Variants in MCTP1 observed in about 807,000 individuals in gnomAD.
The protein encoded by MCTP1 is multiple C2 and transmembrane domain containing 1.
In MCTP1, 69 loss-of-function variants were observed where a neutral mutation model predicts 120.6. The observed-to-expected ratio is 0.57, with a 90% confidence interval of 0.47 to 0.70. The LOEUF (loss-of-function observed/expected upper bound fraction) is 0.70. Among genes scored for constraint, MCTP1 ranks in the 30% least tolerant of loss-of-function variants. The pLI is 0.00. For synonymous variants in MCTP1, 529 were observed against 493.1 expected (o/e 1.07, Z -0.96); for missense variants, 1,203 against 1,248.8 (o/e 0.96, Z 0.55).
chr5:94,870,698 G>A (rs1169685571), intron 15 of MCTP1, among the ~76,000 whole-genome samples, 174 bp downstream of exon 15: 4 of 152,020 alleles, frequency 2.6e-5, no homozygotes, highest in Non-Finnish European at 5.9e-5. Context: ...AGCAGCATTC[G>A]CCAACTATAA....
At chr5:95,201,467 T>G (rs920339374) in intron 1 of MCTP1, among the ~76,000 whole-genome samples, 11 of 2,856 alleles carry the variant, frequency 3.9e-3, no homozygotes, top group African/African-American at 7.6e-3. Flanking sequence ...AAAAGTGGTT[T>G]TTTTTTTTTT....
At chr5:95,195,245 G>T (rs939069775) in intron 1 of MCTP1, among the ~76,000 whole-genome samples, 1 of 152,168 alleles carries the variant, frequency 6.6e-6, no homozygotes, top group Admixed American at 6.5e-5. Context: ...CAGAATCTTG[G>T]GTTTTTCCCC....
chr5:95,031,601 T>C (rs1169090548), intron 1 of MCTP1, among the ~76,000 whole-genome samples: 2 of 152,148 alleles, frequency 1.3e-5, no homozygotes, highest in African/African-American at 4.8e-5. Flanking sequence ...AGGGAATTCA[T>C]CACCACAAGA....
At position 95,005,779 on chromosome 5, in the gene MCTP1, T is replaced by C. The variant is rs1238870329; in HGVS notation, c.838+11588A>G. 5.3e-5 allele frequency among the ~76,000 whole-genome samples: 8 copies of C among 152,114 alleles called. No homozygotes were observed. The East Asian group carries it at 1.5e-3, about 29-fold the overall frequency. On this transcript the variant is annotated intron_variant, in intron 2 of 22. Transcript: ENST00000515393. Reference sequence around the variant, plus strand: ...CCTCTTTTCTTTCTTTATTTTTTTTTTTTTTTACCAAGTCTCAGGTAGTTC... The same window carrying C: ...CCTCTTTTCTTTCTTTATTTTTTTTCTTTTTTACCAAGTCTCAGGTAGTTC...
chr5:94,948,970 A>G (rs1032945622), intron 3 of MCTP1, among the ~76,000 whole-genome samples: 1 of 152,150 alleles, frequency 6.6e-6, no homozygotes, highest in African/African-American at 2.4e-5. Context: ...TTAACTCTTA[A>G]GCTTGGATAG....
chr5:95,153,074 G>A (rs1456926623), intron 1 of MCTP1, among the ~76,000 whole-genome samples: 1 of 152,096 alleles, frequency 6.6e-6, no homozygotes, highest in African/African-American at 2.4e-5. Context: ...ATATGCTTTG[G>A]CTTTGTGTCC....
chr5:94,950,281 A>G (rs528360511), intron 3 of MCTP1, among the ~76,000 whole-genome samples: 24 of 152,284 alleles, frequency 1.6e-4, no homozygotes, highest in Middle Eastern at 3.4e-3. Context: ...AAATGTAAGT[A>G]AAGTATAAAA....
chr5:94,963,531 G>A (rs1824858351), intron 2 of MCTP1, among the ~76,000 whole-genome samples: 1 of 150,630 alleles, frequency 6.6e-6, no homozygotes, highest in Non-Finnish European at 1.5e-5. Context: ...CCTCAGTGTG[G>A]TTTTCATTTG....
intron 19 of MCTP1, among the ~76,000 whole-genome samples, chr5:94,749,437 C>T (rs1767708609): frequency 6.6e-6 from 1 of 151,998 alleles, no homozygotes; most frequent in African/African-American, 2.4e-5. Flanking sequence ...GACAGATCAC[C>T]TGAGGTCAGT....
rs979247984 is a variant in MCTP1, at chr5:95,284,030, C to A, written c.546G>T (p.Glu182Asp). 2.6e-6 allele frequency: 4 copies of A among 1,513,104 alleles called. No individual in the cohort carries two copies. Among genetic ancestry groups the A allele is most frequent in the Admixed American group, 4.4e-5 (2 of 45,150 alleles). The allele number at this position is 1,513,104 out of a possible 1,614,324, so 93.7% of individuals were successfully genotyped here. ...CCCCGGGGCCCTGACGCCGTGCACC[C>A]TCATCTCGGGCGCGGTCCCCCCTCG... ...PPPRGDRARDEGARRQGPGAH... is the reference protein window; with the variant it reads ...PPPRGDRARDDGARRQGPGAH... The change falls in exon 1 of 23, where the codon GAG (glutamate) becomes GAT (aspartate). Residue 182 changes from glutamate to aspartate, a missense_variant. This residue lies in a region of MCTP1 where 463 missense variants were observed against 377.8 expected (regional missense o/e 1.23). Coordinates refer to ENST00000515393, the MANE Select transcript of MCTP1 (RefSeq NM_024717.7). This position sits in a 1 kb window ranked among gnomAD's most constrained non-coding sequence, Gnocchi z 5.2.
chr5:94,728,698 T>C (rs1403977110), intron 19 of MCTP1, among the ~76,000 whole-genome samples: 3 of 152,234 alleles, frequency 2.0e-5, no homozygotes, highest in Admixed American at 1.3e-4. Flanking sequence ...ACTAGTTTTC[T>C]TCTCACCCAC....
At chr5:94,790,207 G>C (rs11740749) in intron 18 of MCTP1, among the ~76,000 whole-genome samples, 41,738 of 152,142 alleles carry the variant, frequency 0.27, 6,787 homozygotes, top group Non-Finnish European at 0.38. Flanking sequence ...GTGTCAGTCA[G>C]ACGAGACACA....
At chr5:95,041,855 ACACTT>A (rs1475142148) in intron 1 of MCTP1, among the ~76,000 whole-genome samples, 3 of 152,218 alleles carry the variant, frequency 2.0e-5, no homozygotes, top group African/African-American at 7.2e-5. Flanking sequence ...AGATTAACAT[ACACTT>A]CTTCATTTTA....
At chr5:95,060,359 T>C (rs1748619398) in intron 1 of MCTP1, among the ~76,000 whole-genome samples, 1 of 152,160 alleles carries the variant, frequency 6.6e-6, no homozygotes, top group African/African-American at 2.4e-5. Context: ...CGGCACACTT[T>C]TGAAAATCAG....
chr5:95,152,945 C>T (rs1188400454), intron 1 of MCTP1, among the ~76,000 whole-genome samples: 1 of 152,130 alleles, frequency 6.6e-6, no homozygotes, highest in East Asian at 1.9e-4. Context: ...GGGAAATGGG[C>T]ACAGAGTAAG....
chr5:95,061,180 CT>C (rs1169463605), intron 1 of MCTP1, among the ~76,000 whole-genome samples: 1 of 150,960 alleles, frequency 6.6e-6, no homozygotes, highest in Non-Finnish European at 1.5e-5. Flanking sequence ...TTCTTTTTCT[CT>C]TTTATGCCAA....
At chr5:94,713,928 T>A (rs1050629828) in intron 20 of MCTP1, among the ~76,000 whole-genome samples, 1 of 152,112 alleles carries the variant, frequency 6.6e-6, no homozygotes, top group Admixed American at 6.5e-5. Flanking sequence ...TAACAAACAA[T>A]GAAGAGATAC....
chr5:94,710,008 C>T (rs2152532135), intron 21 of MCTP1: 1 of 152,216 alleles, frequency 6.6e-6, no homozygotes, highest in South Asian at 2.1e-4. Context: ...TGGTTCTTTG[C>T]ATTTGATTTG....
intron 5 of MCTP1, 128 bp downstream of exon 5, chr5:94,939,956 A>T: frequency 1.9e-6 from 1 of 519,708 alleles, no homozygotes. Flanking sequence ...TACCTAGGAT[A>T]CTCACAGAAA....
Sources: allele counts gnomAD v4.1 joint callset (sites outside exome capture counted in the v4.1 genomes callset), GRCh38; gene constraint gnomAD v4.1.1; regional missense constraint gnomAD v4.1.1; non-coding constraint Gnocchi (gnomAD v3.1); transcripts MANE v1.5; gene names NCBI Gene and HGNC (gene_info 2026-07-23, HGNC 2026-07-21).